The following PDCD1LG2 variants were observed in gnomAD, a reference collection of about 807,000 sequenced individuals.
PDCD1LG2 encodes the protein programmed cell death 1 ligand 2.
In PDCD1LG2, 32 loss-of-function variants were observed where a neutral mutation model predicts 28.2. The observed-to-expected ratio is 1.13, with a 90% CI of 0.86 to 1.52. The LOEUF is 1.52. Ranked by LOEUF, PDCD1LG2 falls within the 40% of genes most tolerant of loss-of-function variation. The pLI, the probability that PDCD1LG2 is intolerant of heterozygous loss-of-function variation, is 0.00. For missense variants in PDCD1LG2, 385 were observed against 323.8 expected, an observed-to-expected ratio of 1.19 and a Z score of -1.45; for synonymous variants, 116 against 120.2, an observed-to-expected ratio of 0.97 and a Z score of 0.23.
intron 2 of PDCD1LG2, among the ~76,000 whole-genome samples, chr9:5,528,746 A>AG (rs1554644439): frequency 3.3e-5 from 5 of 152,132 alleles, no homozygotes; most frequent in East Asian, 3.9e-4. Context: ...AAAATTCTCT[A>AG]TTTTTTTGAG....
At chr9:5,522,897 CA>C (rs1820304355) in intron 2 of PDCD1LG2, among the ~76,000 whole-genome samples, 1 of 152,124 alleles carries the variant, frequency 6.6e-6, no homozygotes, top group Admixed American at 6.6e-5. Context: ...TAAACTGATA[CA>C]AGAGGGCAGG....
chr9:5,515,922 C>CAAAAAAAAAAAAA (rs1204038026), intron 1 of PDCD1LG2, among the ~76,000 whole-genome samples: 44 of 30,288 alleles, frequency 1.5e-3, no homozygotes, highest in African/African-American at 1.8e-3. Context: ...GACTCCATCT[C>CAAAAAAAAAAAAA]AAAAAAAAAA....
At chr9:5,524,774 A>G (rs2129737723) in intron 2 of PDCD1LG2, among the ~76,000 whole-genome samples, 1 of 152,280 alleles carries the variant, frequency 6.6e-6, no homozygotes, top group East Asian at 1.9e-4. Flanking sequence ...TACAAGAAGC[A>G]TGTATTAGGT....
intron 3 of PDCD1LG2, 87 bp downstream of exon 3, chr9:5,535,137 A>G: frequency 8.6e-7 from 1 of 1,164,432 alleles, no homozygotes; most frequent in Non-Finnish European, 1.2e-6. Flanking sequence ...AGGTAGCTCA[A>G]GCAAAAACAA....
chr9:5,524,768 A>C lies in PDCD1LG2; in HGVS notation c.55+2167A>C, dbSNP rs1370034236. Among the ~76,000 whole-genome samples, 4 of 152,284 alleles carry C rather than the reference A, an allele frequency of 2.6e-5. No individual in the cohort carries two copies. The East Asian group carries it at 7.7e-4, about 29-fold the overall frequency. ...TATATTCAGGTTTTTGTTTTTTACA[A>C]GAAGCATGTATTAGGTATTATTTGT... On this transcript the variant is annotated intron_variant, in intron 2 of 6. Transcript: ENST00000397747.
At chr9:5,535,492 G>C (rs1052930927) in intron 3 of PDCD1LG2, among the ~76,000 whole-genome samples, 1 of 152,180 alleles carries the variant, frequency 6.6e-6, no homozygotes, top group Non-Finnish European at 1.5e-5. Flanking sequence ...GCAACCAGAT[G>C]CACGTTTCCC....
rs991893589 is a variant in PDCD1LG2 at position 5,570,931 on chromosome 9, C to T, written c.*972C>T. The T allele has an allele frequency of 9.0e-5, 21 of 232,612 alleles. No individual in the cohort carries two copies. The highest frequency in any genetic ancestry group is 4.0e-4 in the African/African-American group (18 of 45,324). The allele number at this position is 232,612 out of a possible 1,614,324, so 14.4% of individuals were successfully genotyped here. A position where few individuals can be genotyped will look rare whatever the true frequency, so the allele number is the denominator to read the frequency against. On this transcript the variant is annotated 3_prime_UTR_variant, in exon 7 of 7. Coordinates refer to ENST00000397747, the MANE Select transcript of PDCD1LG2 (RefSeq NM_025239.4). ...GATAATTGGCACTATGGAAATCCTG[C>T]AAGATCCCACTACATATGTGTGGAG...
intron 1 of PDCD1LG2, among the ~76,000 whole-genome samples, chr9:5,516,609 G>A (rs182819263): frequency 1.3e-5 from 2 of 152,270 alleles, no homozygotes; most frequent in East Asian, 1.9e-4. Flanking sequence ...CAGGCTGTTC[G>A]TGCCGAGGGG....
chr9:5,515,523 C>G (rs997105862), intron 1 of PDCD1LG2, among the ~76,000 whole-genome samples: 4 of 152,108 alleles, frequency 2.6e-5, no homozygotes, highest in African/African-American at 9.7e-5. Context: ...TCAGGAGACC[C>G]AAAGTGGGTA....
At chr9:5,528,633 T>C (rs1820424489) in intron 2 of PDCD1LG2, among the ~76,000 whole-genome samples, 1 of 152,136 alleles carries the variant, frequency 6.6e-6, no homozygotes, top group Non-Finnish European at 1.5e-5. Flanking sequence ...ACTTATTGTA[T>C]ATCTTCATTG....
chr9:5,523,200 G>T (rs1432409088), intron 2 of PDCD1LG2, among the ~76,000 whole-genome samples: 1 of 152,200 alleles, frequency 6.6e-6, no homozygotes, highest in Non-Finnish European at 1.5e-5. Context: ...GAGGATGAGG[G>T]TGAGCAGAAA....
chr9:5,548,592 C>T (rs1816259024), intron 3 of PDCD1LG2, among the ~76,000 whole-genome samples: 1 of 152,146 alleles, frequency 6.6e-6, no homozygotes, highest in Non-Finnish European at 1.5e-5. Flanking sequence ...TCCAAAATGA[C>T]TATACTTAGA....
chr9:5,562,899 A>T (rs1816593176), intron 5 of PDCD1LG2, among the ~76,000 whole-genome samples: 1 of 152,166 alleles, frequency 6.6e-6, no homozygotes, highest in South Asian at 2.1e-4. Flanking sequence ...TGAATACCCA[A>T]ATTAGTCCCT....
chr9:5,546,257 T>G (rs1368485348), intron 3 of PDCD1LG2, among the ~76,000 whole-genome samples: 1 of 152,282 alleles, frequency 6.6e-6, no homozygotes, highest in Middle Eastern at 3.4e-3. Context: ...GATCAGTTTC[T>G]TGGTCCAAGC....
intron 4 of PDCD1LG2, among the ~76,000 whole-genome samples, chr9:5,552,238 A>T (rs1337231949): frequency 6.6e-6 from 1 of 152,194 alleles, no homozygotes; most frequent in African/African-American, 2.4e-5. Context: ...CAAGATTTTC[A>T]TGATAATCAA....
chr9:5,568,796 T>C (rs1440730337), intron 6 of PDCD1LG2, among the ~76,000 whole-genome samples: 3 of 152,208 alleles, frequency 2.0e-5, no homozygotes, highest in Non-Finnish European at 4.4e-5. Flanking sequence ...CCTGTGCCCA[T>C]GAATTTTTAA....
chr9:5,555,147 G>T (rs1816411825), intron 4 of PDCD1LG2, among the ~76,000 whole-genome samples: 2 of 152,182 alleles, frequency 1.3e-5, no homozygotes, highest in Non-Finnish European at 2.9e-5. Flanking sequence ...AGGTGCGGTG[G>T]CTCATGCCTG....
intron 1 of PDCD1LG2, among the ~76,000 whole-genome samples, chr9:5,512,369 G>A (rs1186106799): frequency 6.6e-6 from 1 of 152,154 alleles, no homozygotes; most frequent in Non-Finnish European, 1.5e-5. Context: ...CCTTCCAGCT[G>A]TCTCTAACAC....
intron 3 of PDCD1LG2, among the ~76,000 whole-genome samples, chr9:5,538,875 T>C (rs1166234791): frequency 2.0e-5 from 3 of 152,142 alleles, no homozygotes; most frequent in Non-Finnish European, 4.4e-5. Context: ...TACTTATTTA[T>C]GGGATACATA....
Sources: gnomAD v4.1 joint callset for allele counts (sites outside exome capture counted in the v4.1 genomes callset) on GRCh38, gnomAD v4.1.1 for gene constraint, MANE v1.5 for transcripts, NCBI Gene and HGNC (gene_info 2026-07-23, HGNC 2026-07-21) for gene names.